SRGAP3: variants seen among roughly 807,000 people sequenced by gnomAD.
SRGAP3 encodes the protein SLIT-ROBO Rho GTPase-activating protein 3.
SRGAP3 carries 39 observed loss-of-function variants against 121.1 expected under a neutral mutation model. The ratio of observed to expected loss-of-function variants is 0.32; its 90% CI spans 0.25 to 0.42. The LOEUF (loss-of-function observed/expected upper bound fraction) is 0.42, where lower values mean the gene tolerates loss of function less well. SRGAP3 is among the 10% of genes least tolerant of loss of function. SRGAP3 has a pLI of 1.00. For synonymous variants in SRGAP3, 601 were observed against 570.0 expected (o/e 1.05, Z -0.77); for missense variants, 1,213 against 1,470.6 (o/e 0.82, Z 2.86).
chr3:9,331,025 C>T (rs956272722), intron 1 of SRGAP3, among the ~76,000 whole-genome samples: 4 of 152,196 alleles, frequency 2.6e-5, no homozygotes, highest in African/African-American at 9.6e-5. Flanking sequence ...GCTTTAACAA[C>T]TATAAATGGA....
chr3:9,025,213 C>G, intron 14 of SRGAP3, 48 bp downstream of exon 14: 1 of 1,599,304 alleles, frequency 6.3e-7, no homozygotes. Flanking sequence ...TGAATATTCA[C>G]CCTGGCTTCC....
In SRGAP3 at chr3:9,349,141, C is replaced by T. The variant is rs1485418176; in HGVS notation, n.214+13699G>A. ...TACAGTTCCTGGGGGATGAAGAGAC[C>T]ATGCGTAAAGCCATGGAAGCTGTGG... On this transcript the variant is annotated intron_variant and non_coding_transcript_variant, in intron 1 of 3. Transcript: ENST00000490889. 24 of 782,742 alleles carry T rather than the reference C, an allele frequency of 3.1e-5. No homozygotes were observed. In the Middle Eastern group the frequency reaches 1.1e-3, roughly 37 times the overall value. 48.5% of individuals were successfully genotyped at this position (782,742 alleles called of 1,614,324 possible).
At chr3:9,346,084 C>T (rs188905969) in intron 1 of SRGAP3, among the ~76,000 whole-genome samples, 1 of 152,198 alleles carries the variant, frequency 6.6e-6, no homozygotes, top group Non-Finnish European at 1.5e-5. Context: ...TGCAGTAGTG[C>T]CAAGTATTGA....
At chr3:9,275,545 G>A (rs1442844360) in intron 3 of SRGAP3, among the ~76,000 whole-genome samples, 3 of 152,184 alleles carry the variant, frequency 2.0e-5, no homozygotes, top group African/African-American at 7.2e-5. Flanking sequence ...TATGTTGTGG[G>A]AGGGATGTGG....
At chr3:9,020,580 T>A (rs888852072) in intron 14 of SRGAP3, among the ~76,000 whole-genome samples, 9 of 152,346 alleles carry the variant, frequency 5.9e-5, no homozygotes, top group African/African-American at 2.2e-4. Flanking sequence ...TTAAGCATGA[T>A]TCGCATATTG....
chr3:9,167,078 G>C (rs937168548), intron 1 of SRGAP3, among the ~76,000 whole-genome samples: 1 of 152,066 alleles, frequency 6.6e-6, no homozygotes, highest in East Asian at 1.9e-4. Context: ...ATCCTTCTGC[G>C]AACCAGCAGC....
chr3:9,218,954 T>C lies in SRGAP3; in HGVS notation c.67+29931A>G, dbSNP rs1035086414. Among the ~76,000 whole-genome samples the C allele has an allele frequency of 6.6e-6, 1 of 152,346 alleles. No individual in the cohort carries two copies. Among genetic ancestry groups the C allele is most frequent in the Non-Finnish European group, 1.5e-5 (1 of 68,036 alleles). ...TCCCAAAGTGTTGGGATTACAGGCG[T>C]GAGCCACTGCGCCCAGCCTATTTTA... On this transcript the variant is annotated intron_variant, in intron 1 of 21. Transcript: ENST00000383836. This position sits in a 1 kb window ranked among gnomAD's most constrained non-coding sequence, Gnocchi z 5.3.
At chr3:9,197,833 C>A (rs1019079532) in intron 1 of SRGAP3, among the ~76,000 whole-genome samples, 2 of 152,254 alleles carry the variant, frequency 1.3e-5, no homozygotes, top group Non-Finnish European at 2.9e-5. Flanking sequence ...GTTTAAAGGG[C>A]TTCCTTCACA....
intron 2 of SRGAP3, among the ~76,000 whole-genome samples, chr3:9,115,324 A>G (rs1052521410): frequency 1.2e-4 from 19 of 152,368 alleles, no homozygotes; most frequent in African/African-American, 3.4e-4. Flanking sequence ...TGCCTAATAG[A>G]ATAGCATCAA....
At chr3:9,144,600 T>C (rs1004332235) in intron 1 of SRGAP3, among the ~76,000 whole-genome samples, 5 of 152,208 alleles carry the variant, frequency 3.3e-5, no homozygotes, top group Admixed American at 2.6e-4. Context: ...GTGAGTCCCA[T>C]GAGGTCTGAT....
intron 17 of SRGAP3, among the ~76,000 whole-genome samples, chr3:9,012,006 T>C (rs1236309833): frequency 2.6e-5 from 4 of 152,188 alleles, no homozygotes; most frequent in African/African-American, 9.7e-5. Flanking sequence ...TTGCAAAAAC[T>C]GTGTGAAAAT....
chr3:9,118,124 T>A (rs1471004899), intron 2 of SRGAP3, among the ~76,000 whole-genome samples: 15 of 152,082 alleles, frequency 9.9e-5, no homozygotes, highest in Non-Finnish European at 8.8e-5. Context: ...AGGGTGAGAC[T>A]CTGTCTCAAA....
At chr3:9,249,811 T>C (rs1333850044), upstream of SRGAP3, 4 of 197,564 alleles carry the variant, frequency 2.0e-5, no homozygotes, top group Non-Finnish European at 4.2e-5. Context: ...GCAGGAAAAG[T>C]AATCGGGTTG....
intron 1 of SRGAP3, among the ~76,000 whole-genome samples, chr3:9,163,570 T>A (rs918646884): frequency 2.0e-5 from 3 of 152,178 alleles, no homozygotes; most frequent in African/African-American, 7.2e-5. Flanking sequence ...GCTAGAAGGC[T>A]GCCGCTGTCA....
chr3:9,257,868 C>T (rs1293004289), intron 3 of SRGAP3, among the ~76,000 whole-genome samples: 2 of 151,966 alleles, frequency 1.3e-5, no homozygotes, highest in African/African-American at 2.4e-5. Context: ...CCGCGCCTGG[C>T]TAATTTTTGT....
chr3:9,094,672 A>G (rs1250091086), intron 3 of SRGAP3, among the ~76,000 whole-genome samples: 1 of 152,164 alleles, frequency 6.6e-6, no homozygotes, highest in Non-Finnish European at 1.5e-5. Flanking sequence ...GTCAGATTGT[A>G]TCTCATTTTG....
At chr3:9,135,111 C>A (rs1468550070) in intron 1 of SRGAP3, among the ~76,000 whole-genome samples, 1 of 152,222 alleles carries the variant, frequency 6.6e-6, no homozygotes, top group East Asian at 1.9e-4. Context: ...ATAAAAAACT[C>A]ATTCCTCTGT....
At chr3:9,001,003 T>C (rs1482888065) in intron 18 of SRGAP3, among the ~76,000 whole-genome samples, 1 of 152,174 alleles carries the variant, frequency 6.6e-6, no homozygotes, top group Non-Finnish European at 1.5e-5. Flanking sequence ...AAATAAGATG[T>C]ATATGGTAAA....
intron 1 of SRGAP3, among the ~76,000 whole-genome samples, chr3:9,231,457 T>TTCTG (rs1242141080): frequency 6.6e-6 from 1 of 152,234 alleles, no homozygotes; most frequent in Non-Finnish European, 1.5e-5. Context: ...GCAATATAAT[T>TTCTG]TCTGTTGTGG....
Sources: allele counts gnomAD v4.1 joint callset (sites outside exome capture counted in the v4.1 genomes callset), GRCh38; gene constraint gnomAD v4.1.1; non-coding constraint Gnocchi (gnomAD v3.1); transcripts MANE v1.5; gene names NCBI Gene and HGNC (gene_info 2026-07-23, HGNC 2026-07-21).